TEAD4: variants seen among roughly 807,000 people sequenced by gnomAD.
The protein encoded by TEAD4 is transcriptional enhancer factor TEF-3.
In TEAD4, 36 loss-of-function variants were observed where a neutral mutation model predicts 52.4. That is an observed-to-expected ratio of 0.69 (90% CI 0.53 to 0.91). The LOEUF (loss-of-function observed/expected upper bound fraction) is 0.91, where lower values mean the gene tolerates loss of function less well. Among genes scored for constraint, TEAD4 ranks in the 40% least tolerant of loss-of-function variants. The pLI, the probability that TEAD4 is intolerant of heterozygous loss-of-function variation, is 0.00. For synonymous variants in TEAD4, 220 were observed against 231.0 expected (o/e 0.95, Z 0.43); for missense variants, 508 against 583.9 (o/e 0.87, Z 1.34).
intron 2 of TEAD4, among the ~76,000 whole-genome samples, chr12:2,962,540 G>A (rs2098216657): frequency 6.6e-6 from 1 of 151,574 alleles, no homozygotes; most frequent in South Asian, 2.1e-4. Flanking sequence ...TCTCCATGTT[G>A]GTCAGGCTGG....
intron 3 of TEAD4, among the ~76,000 whole-genome samples, chr12:3,004,907 C>G (rs1379567374): frequency 1.3e-5 from 2 of 152,172 alleles, no homozygotes; most frequent in Non-Finnish European, 2.9e-5. Flanking sequence ...GTCCCCTTGG[C>G]TCACACACCC....
chr12:3,036,154 A>G, intron 10 of TEAD4, among the ~76,000 whole-genome samples: 1 of 152,172 alleles, frequency 6.6e-6, no homozygotes, highest in East Asian at 1.9e-4. Flanking sequence ...TAAAGGCCTC[A>G]TCAAAGCCGA....
chr12:2,976,660 A>C (rs1016223458), intron 2 of TEAD4, among the ~76,000 whole-genome samples: 1 of 151,700 alleles, frequency 6.6e-6, no homozygotes, highest in Non-Finnish European at 1.5e-5. Flanking sequence ...CTGACGCCGA[A>C]GGGGTTGGGG....
At chr12:3,004,479 A>G (rs1050750134) in intron 3 of TEAD4, among the ~76,000 whole-genome samples, 1 of 152,100 alleles carries the variant, frequency 6.6e-6, no homozygotes, top group Admixed American at 6.6e-5. Context: ...GTGACCTCCA[A>G]TTCCCTGTTC....
At chr12:2,973,739 TGG>T (rs564516696) in intron 2 of TEAD4, among the ~76,000 whole-genome samples, 17 of 152,348 alleles carry the variant, frequency 1.1e-4, no homozygotes, top group South Asian at 8.3e-4. Flanking sequence ...AATGGCCTGC[TGG>T]GTCAGGCCGG....
chr12:2,961,371 GC>G (rs1466852309), intron 2 of TEAD4, among the ~76,000 whole-genome samples: 1 of 151,840 alleles, frequency 6.6e-6, no homozygotes, highest in South Asian at 2.1e-4. Context: ...CATGTGTAGG[GC>G]TTCTTGGAAG....
Position 3,040,258 on chromosome 12 carries a change from A to C in TEAD4, c.1190A>C (p.Gln397Pro). ...GTGCTGGAGAACTTCACCATCCTGC[A>C]GGTGTGCGGCGGGTGCTGCGGGTGT... The change falls in exon 12 of 13, where the codon CAG becomes CCG. Residue 397 changes from glutamine to proline, a missense_variant and splice_region_variant. Gln to Pro is a moderately conservative substitution (Grantham distance 76). Transcript: ENST00000359864. 6.2e-7 allele frequency: 1 copy of C among 1,614,168 alleles called. No individual in the cohort carries two copies. The highest frequency in any genetic ancestry group is 1.1e-5 in the South Asian group (1 of 91,084).
chr12:3,035,833 AAAAAAG>A (rs1220090827), intron 10 of TEAD4, among the ~76,000 whole-genome samples: 4 of 150,692 alleles, frequency 2.7e-5, no homozygotes, highest in Non-Finnish European at 4.4e-5. Flanking sequence ...CAAAAAAAAA[AAAAAAG>A]AAGAAGAAGA....
chr12:2,986,716 T>G (rs2098238852), intron 2 of TEAD4, among the ~76,000 whole-genome samples: 1 of 152,082 alleles, frequency 6.6e-6, no homozygotes, highest in African/African-American at 2.4e-5. Flanking sequence ...AGTAAATAGT[T>G]AACCAGTAAC....
chr12:2,974,391 A>G (rs1555120259), intron 2 of TEAD4, among the ~76,000 whole-genome samples: 2 of 152,204 alleles, frequency 1.3e-5, no homozygotes, highest in Non-Finnish European at 2.9e-5. Flanking sequence ...CAGAAGACTT[A>G]CATGAAAAAT....
intron 2 of TEAD4, among the ~76,000 whole-genome samples, chr12:2,990,783 A>G (rs1288387696): frequency 6.6e-6 from 1 of 152,120 alleles, no homozygotes; most frequent in Non-Finnish European, 1.5e-5. Flanking sequence ...CGCCTGGCCC[A>G]GAGAATCTTC....
At chr12:3,021,729 G>A (rs1337104462) in intron 9 of TEAD4, 115 bp from the exon 10 acceptor site, 1 of 1,048,796 alleles carries the variant, frequency 9.5e-7, no homozygotes, top group African/African-American at 1.6e-5. Flanking sequence ...GGAAACTATG[G>A]CCCAGAAAGG....
intron 10 of TEAD4, among the ~76,000 whole-genome samples, chr12:3,027,517 G>A (rs1019635314): frequency 1.3e-5 from 2 of 152,190 alleles, no homozygotes; most frequent in African/African-American, 4.8e-5. Context: ...GATTGCTTGA[G>A]CTCAGGAGTT....
intron 2 of TEAD4, among the ~76,000 whole-genome samples, chr12:2,976,036 T>C (rs1282049486): frequency 1.3e-5 from 2 of 151,808 alleles, no homozygotes; most frequent in African/African-American, 4.8e-5. Flanking sequence ...GACAAAGTCT[T>C]GCTCTGTCAC....
At chr12:3,040,011 C>T in intron 11 of TEAD4, 96 bp from the exon 12 acceptor site, 4 of 1,534,190 alleles carry the variant, frequency 2.6e-6, no homozygotes, top group Non-Finnish European at 3.5e-6. Context: ...TCTTAAGGGC[C>T]CCCAGGCTTT....
intron 2 of TEAD4, among the ~76,000 whole-genome samples, chr12:2,966,509 C>G (rs2098220383): frequency 6.6e-6 from 1 of 151,232 alleles, no homozygotes; most frequent in African/African-American, 2.4e-5. Flanking sequence ...CTCCTGGGTT[C>G]AAGCAATTCT....
intron 3 of TEAD4, among the ~76,000 whole-genome samples, chr12:2,997,985 T>C (rs2098248579): frequency 6.6e-6 from 1 of 152,126 alleles, no homozygotes. Flanking sequence ...AAACAATAAT[T>C]CCCCATTCTC....
intron 10 of TEAD4, among the ~76,000 whole-genome samples, chr12:3,034,958 G>A (rs1025240403): frequency 6.6e-6 from 1 of 151,670 alleles, no homozygotes. Flanking sequence ...AAAACTAGCC[G>A]AGCGTGGTGG....
Position 3,038,172 on chromosome 12 carries a change from C to T in TEAD4, c.1038+64C>T, listed in dbSNP as rs1011551711. ...GGTCTGTGTTTGCTGGGCATGGCTTCCATTTGCTTTCAGGAGGAATGCCCT... is the reference window on the plus strand; with the variant it reads ...GGTCTGTGTTTGCTGGGCATGGCTTTCATTTGCTTTCAGGAGGAATGCCCT... On this transcript the variant is annotated intron_variant, in intron 11 of 12. Coordinates refer to ENST00000359864, the MANE Select transcript of TEAD4 (RefSeq NM_003213.4). 9 of 1,558,218 alleles carry T rather than the reference C, an allele frequency of 5.8e-6. No individual in the cohort carries two copies. In the African/African-American group the frequency reaches 1.2e-4, roughly 21 times the overall value.
Sources: allele counts gnomAD v4.1 joint callset (sites outside exome capture counted in the v4.1 genomes callset), GRCh38; gene constraint gnomAD v4.1.1; transcripts MANE v1.5; gene names NCBI Gene and HGNC (gene_info 2026-07-23, HGNC 2026-07-21).